The following EEA1 variants were observed in gnomAD, a reference collection of about 807,000 sequenced individuals.
EEA1 encodes the protein early endosome antigen 1, also known as early endosome antigen 1, 162kD.
EEA1 carries 111 observed loss-of-function variants against 209.2 expected under a neutral mutation model. The observed-to-expected ratio is 0.53, with a 90% confidence interval of 0.45 to 0.62. The LOEUF is 0.62. Among genes scored for constraint, EEA1 ranks in the 20% least tolerant of loss-of-function variants. The pLI, the probability that EEA1 is intolerant of heterozygous loss-of-function variation, is 0.00. For missense variants in EEA1, 1,343 were observed against 1,530.8 expected, an observed-to-expected ratio of 0.88 and a Z score of 2.05; for synonymous variants, 536 against 540.6, an observed-to-expected ratio of 0.99 and a Z score of 0.12.
At chr12:92,825,468 A>C (rs1415354371) in intron 13 of EEA1, among the ~76,000 whole-genome samples, 1 of 152,040 alleles carries the variant, frequency 6.6e-6, no homozygotes, top group African/African-American at 2.4e-5. Flanking sequence ...TCAAAAAAAA[A>C]AAAAAGAATG....
At chr12:92,829,077 A>G (rs1876475304) in intron 11 of EEA1, among the ~76,000 whole-genome samples, 1 of 152,132 alleles carries the variant, frequency 6.6e-6, no homozygotes, top group South Asian at 2.1e-4. Flanking sequence ...TATTTACACA[A>G]TTATTAAAGG....
intron 14 of EEA1, 135 bp downstream of exon 14, chr12:92,819,173 T>C (rs1462860165): frequency 4.2e-6 from 3 of 719,024 alleles, no homozygotes; most frequent in African/African-American, 3.7e-5. Flanking sequence ...CATGAGATGC[T>C]ATTTGGCAAA....
chr12:92,903,158 C>T (rs1880224834), intron 1 of EEA1, among the ~76,000 whole-genome samples: 1 of 151,608 alleles, frequency 6.6e-6, no homozygotes, highest in Non-Finnish European at 1.5e-5. Flanking sequence ...AGGATGGTCT[C>T]AATCTCCTGA....
chr12:92,875,668 G>A (rs1431077332), intron 2 of EEA1, among the ~76,000 whole-genome samples: 5 of 152,002 alleles, frequency 3.3e-5, no homozygotes, highest in South Asian at 4.2e-4. Context: ...AAATCTTGTC[G>A]TTTCCTTGCT....
At chr12:92,885,841 T>A (rs1455479967) in intron 2 of EEA1, among the ~76,000 whole-genome samples, 1 of 152,206 alleles carries the variant, frequency 6.6e-6, no homozygotes, top group Non-Finnish European at 1.5e-5. Context: ...GTTGTTCAAG[T>A]GTCGGCTGTA....
rs1222622177 is a variant in EEA1 at position 92,873,057 on chromosome 12, GAGTGTC to G, written c.118-8076_118-8071del. On this transcript the variant is annotated intron_variant, in intron 2 of 28. Transcript: ENST00000322349. Reference sequence around the variant, plus strand: ...TAAGCATGAAATGTTATAACATCATGAGTGTCAGTGTCAAAAATAGATGTGGACTTG... The same window carrying G: ...TAAGCATGAAATGTTATAACATCATGAGTGTCAAAAATAGATGTGGACTTG... Among the ~76,000 whole-genome samples the G allele has an allele frequency of 2.0e-5, 3 of 152,318 alleles. No individual in the cohort carries two copies. The East Asian group carries it at 5.8e-4, about 29-fold the overall frequency.
rs565239291 is a variant in EEA1, at chr12:92,832,789, T to A, written c.977A>T (p.Asn326Ile). ...QDYTKLEEKH[N>I]EESVSKKNIQ... ...ATTCTTTTTACTCACAGATTCTTCA[T>A]TATGTTTCTCCTCTAACTTAGTATA... Residue 326 changes from asparagine to isoleucine, a missense_variant, in exon 11 of 29, where the codon AAT becomes ATT. By Grantham distance (149) the Asn-to-Ile change is moderately radical (BLOSUM62 -3). Transcript: ENST00000322349. The A allele has an allele frequency of 5.2e-5, 84 of 1,613,860 alleles. No individual in the cohort carries two copies. Among genetic ancestry groups the A allele is most frequent in the Admixed American group, 1.3e-4 (8 of 60,014 alleles).
chr12:92,802,495 T>C lies in EEA1; in HGVS notation c.2579A>G (p.Asp860Gly), dbSNP rs371575038. 577 of 1,589,300 alleles carry C rather than the reference T, an allele frequency of 3.6e-4. No individual in the cohort carries two copies. The highest frequency in any genetic ancestry group is 4.7e-4 in the Non-Finnish European group (556 of 1,173,318). ...ALMTELSTVK[D>G]KLSKVSDSLK... ...AGAATCAGAAACTTTTGATAGTTTGTCCTTTACTGTAGAAAGCTCTGTCAT... is the reference window on the plus strand; with the variant it reads ...AGAATCAGAAACTTTTGATAGTTTGCCCTTTACTGTAGAAAGCTCTGTCAT... Residue 860 changes from aspartate to glycine, a missense_variant, in exon 19 of 29, where the codon GAC (aspartate) becomes GGC (glycine). Around this residue, in one of 3 missense-constraint regions of EEA1, gnomAD observed 1,307 missense variants for 1,465.5 expected, o/e 0.89. Coordinates refer to ENST00000322349, the MANE Select transcript of EEA1 (RefSeq NM_003566.4).
chr12:92,817,728 ACTCT>A, intron 14 of EEA1, among the ~76,000 whole-genome samples: 1 of 151,790 alleles, frequency 6.6e-6, no homozygotes, highest in South Asian at 2.1e-4. Context: ...TATTGTGACC[ACTCT>A]CGATTTTGTT....
At chr12:92,884,547 A>T (rs1879299773) in intron 2 of EEA1, 1 of 1,499,382 alleles carries the variant, frequency 6.7e-7, no homozygotes, top group African/African-American at 1.4e-5. Flanking sequence ...TACAACAATC[A>T]GTCTTCAAAT....
intron 1 of EEA1, among the ~76,000 whole-genome samples, chr12:92,916,184 T>C (rs1278245743): frequency 6.6e-6 from 1 of 152,178 alleles, no homozygotes; most frequent in South Asian, 2.1e-4. Flanking sequence ...CAAATATGAA[T>C]AGACAGCTAC....
chr12:92,827,275 A>G (rs1049032945), intron 12 of EEA1, among the ~76,000 whole-genome samples: 2 of 151,944 alleles, frequency 1.3e-5, no homozygotes, highest in Admixed American at 6.6e-5. Flanking sequence ...AATTGCTTGA[A>G]CCCAGGAGGC....
At chr12:92,873,432 G>A (rs1476155589) in intron 2 of EEA1, among the ~76,000 whole-genome samples, 1 of 152,196 alleles carries the variant, frequency 6.6e-6, no homozygotes, top group Non-Finnish European at 1.5e-5. Context: ...AGAATGGGGA[G>A]ATATGACTTT....
Position 92,898,660 on chromosome 12 carries a change from T to A in EEA1, c.25-6939A>T, listed in dbSNP as rs1277507566. ...GCCTGGGTGACAGAGCGAGACTCCA[T>A]CTCAAAAAAAAAAAAGAAGAAGGAA... On this transcript the variant is annotated intron_variant, in intron 1 of 28. Coordinates refer to ENST00000322349, the MANE Select transcript of EEA1 (RefSeq NM_003566.4). Among the ~76,000 whole-genome samples the A allele has an allele frequency of 2.4e-5, 3 of 125,060 alleles. No individual in the cohort carries two copies. The East Asian group carries it at 7.1e-4, about 30-fold the overall frequency. The allele number at this position is 125,060 out of a possible 152,430, so 82.0% of individuals were successfully genotyped here.
chr12:92,928,842 A>C (rs1183709649), intron 1 of EEA1, among the ~76,000 whole-genome samples: 1 of 150,298 alleles, frequency 6.7e-6, no homozygotes, highest in East Asian at 2.0e-4. Flanking sequence ...CGGGGCCACC[A>C]GGGCTCTGCC....
At chr12:92,791,675 G>T (rs992026183) in intron 21 of EEA1, among the ~76,000 whole-genome samples, 1 of 152,024 alleles carries the variant, frequency 6.6e-6, no homozygotes, top group Non-Finnish European at 1.5e-5. Context: ...AATAATAATG[G>T]GAGACTTTAA....
chr12:92,845,164 T>TA, intron 9 of EEA1, among the ~76,000 whole-genome samples: 1 of 152,106 alleles, frequency 6.6e-6, no homozygotes, highest in African/African-American at 2.4e-5. Context: ...ACTAAAATTT[T>TA]TATATAGATA....
intron 1 of EEA1, among the ~76,000 whole-genome samples, chr12:92,916,969 C>T (rs945397164): frequency 1.3e-5 from 2 of 151,480 alleles, no homozygotes; most frequent in Non-Finnish European, 2.9e-5. Flanking sequence ...GGAGCCGACG[C>T]GATCAACTGG....
At chr12:92,856,144 G>A (rs1478090573) in intron 5 of EEA1, among the ~76,000 whole-genome samples, 2 of 152,148 alleles carry the variant, frequency 1.3e-5, no homozygotes, top group Non-Finnish European at 2.9e-5. Flanking sequence ...CATGCAAAGG[G>A]ATTATTAATT....
Sources: allele counts gnomAD v4.1 joint callset (sites outside exome capture counted in the v4.1 genomes callset), GRCh38; gene constraint gnomAD v4.1.1; regional missense constraint gnomAD v4.1.1; transcripts MANE v1.5; gene names NCBI Gene and HGNC (gene_info 2026-07-23, HGNC 2026-07-21).